The following TRIP12 variants were observed in gnomAD, a reference collection of about 807,000 sequenced individuals.
TRIP12 encodes thyroid hormone receptor interactor 12.
In TRIP12, 25 loss-of-function variants were observed where a neutral mutation model predicts 244.2. That is an observed-to-expected ratio of 0.10 (90% confidence interval 0.07 to 0.14). The LOEUF (loss-of-function observed/expected upper bound fraction) is 0.14. Ranked by LOEUF, TRIP12 falls within the 10% of genes least tolerant of loss-of-function variation. The pLI is 1.00. For synonymous variants in TRIP12, 905 were observed against 873.1 expected (o/e 1.04, Z -0.64); for missense variants, 1,677 against 2,486.4 (o/e 0.67, Z 6.92).
intron 1 of TRIP12, among the ~76,000 whole-genome samples, chr2:229,888,348 G>A (rs939075043): frequency 7.9e-5 from 12 of 152,042 alleles, no homozygotes; most frequent in African/African-American, 2.4e-4. Flanking sequence ...GAGAAACCAA[G>A]GTAATCAATA....
intron 6 of TRIP12, among the ~76,000 whole-genome samples, chr2:229,831,797 G>A (rs1376614216): frequency 6.6e-6 from 1 of 151,730 alleles, no homozygotes; most frequent in Non-Finnish European, 1.5e-5. Context: ...AATCTGAACA[G>A]GAAGTAAAAC....
chr2:229,874,625 C>T lies in TRIP12; in HGVS notation c.98+5357G>A, dbSNP rs2063272261. Among the ~76,000 whole-genome samples the T allele has an allele frequency of 2.6e-5, 4 of 151,544 alleles. No individual in the cohort carries two copies. In the South Asian group the frequency reaches 8.4e-4, roughly 32 times the overall value. ...AATACATCTAGTGATAACATCATCC[C>T]TATTATTTGTATGTTGCAAGTATAC... On this transcript the variant is annotated intron_variant, in intron 2 of 41. Coordinates refer to ENST00000675903, the MANE Select transcript of TRIP12 (RefSeq NM_001348323.3).
At chr2:229,821,982 A>G (rs1046265639) in intron 8 of TRIP12, among the ~76,000 whole-genome samples, 15 of 152,214 alleles carry the variant, frequency 9.9e-5, no homozygotes, top group African/African-American at 3.6e-4. Flanking sequence ...TCTACTAAAA[A>G]TACAAAAATT....
intron 4 of TRIP12, among the ~76,000 whole-genome samples, chr2:229,851,920 A>AG: frequency 6.6e-6 from 1 of 152,238 alleles, no homozygotes; most frequent in Non-Finnish European, 1.5e-5. Context: ...AGTGAGACCA[A>AG]GAATCCACCA....
intron 31 of TRIP12, 77 bp downstream of exon 31, chr2:229,789,534 T>C: frequency 6.5e-7 from 1 of 1,530,412 alleles, no homozygotes; most frequent in Non-Finnish European, 8.8e-7. Flanking sequence ...GCTGAATCAC[T>C]GTTTCCATTT....
chr2:229,783,401 T>C (rs1180101662), intron 34 of TRIP12, among the ~76,000 whole-genome samples: 1 of 152,202 alleles, frequency 6.6e-6, no homozygotes, highest in East Asian at 1.9e-4. Flanking sequence ...AAGCCATGGG[T>C]CTACAATAAT....
chr2:229,891,285 G>C lies in TRIP12; in HGVS notation c.-49-11157C>G, dbSNP rs553523698. On this transcript the variant is annotated intron_variant, in intron 1 of 41. Coordinates refer to ENST00000675903, the MANE Select transcript of TRIP12 (RefSeq NM_001348323.3). ...AAAAAAAAAAAATTTAGCCTGGCGT[G>C]GTGGTGGTGCACATCTGTGGCCCCA... Among the ~76,000 whole-genome samples, 3 of 152,188 alleles carry C rather than the reference G, an allele frequency of 2.0e-5. No individual in the cohort carries two copies. In the East Asian group the frequency reaches 5.8e-4, roughly 29 times the overall value.
At chr2:229,825,450 A>G (rs1231395073) in intron 8 of TRIP12, among the ~76,000 whole-genome samples, 1 of 152,246 alleles carries the variant, frequency 6.6e-6, no homozygotes, top group African/African-American at 2.4e-5. Context: ...CTATGAAGAA[A>G]TATCCAAGAC....
At chr2:229,887,054 A>G (rs1023551481) in intron 1 of TRIP12, among the ~76,000 whole-genome samples, 1 of 152,234 alleles carries the variant, frequency 6.6e-6, no homozygotes, top group Non-Finnish European at 1.5e-5. Context: ...TTGACTGAGC[A>G]AACAAGGAAA....
At chr2:229,883,029 A>C (rs2065195322) in intron 1 of TRIP12, among the ~76,000 whole-genome samples, 1 of 152,262 alleles carries the variant, frequency 6.6e-6, no homozygotes, top group Non-Finnish European at 1.5e-5. Flanking sequence ...TAATTTCCTG[A>C]AAGTAAATAA....
intron 2 of TRIP12, among the ~76,000 whole-genome samples, chr2:229,867,171 G>GGTTTT (rs1553716909): frequency 1.6e-5 from 2 of 123,536 alleles, no homozygotes; most frequent in Non-Finnish European, 3.3e-5. Context: ...TTGTTTGTTT[G>GGTTTT]TTTTTTTTTT....
chr2:229,828,816 T>A (rs1051716087), intron 8 of TRIP12, among the ~76,000 whole-genome samples: 25 of 152,116 alleles, frequency 1.6e-4, no homozygotes, highest in African/African-American at 5.6e-4. Context: ...AACATCCTTA[T>A]GTCCAAATAT....
intron 13 of TRIP12, among the ~76,000 whole-genome samples, chr2:229,811,538 A>T (rs1442871291): frequency 6.6e-6 from 1 of 152,204 alleles, no homozygotes; most frequent in African/African-American, 2.4e-5. Context: ...ACTTTCCTTT[A>T]AAACCATTAC....
At chr2:229,901,154 G>T (rs985004023) in intron 1 of TRIP12, among the ~76,000 whole-genome samples, 4 of 151,026 alleles carry the variant, frequency 2.6e-5, no homozygotes, top group East Asian at 4.1e-4. Flanking sequence ...GGCTGGTCTT[G>T]AACTCCTGAC....
At position 229,774,189 on chromosome 2, in the gene TRIP12, C is replaced by A; in HGVS notation, c.5602G>T (p.Asp1868Tyr). ...TTGGGAAACCCTGGCAGAGTGAAAT[C>A]CAGTCCTAGATCTTCAACTGAGCAG... ...NGCSVEDLGL[D>Y]FTLPGFPNIE... is the part of the protein sequence containing the mutation. The change falls in exon 38 of 42, where the codon GAT becomes TAT. Residue 1868 changes from aspartate (D) to tyrosine (Y), a missense_variant. Physicochemically the swap from Asp to Tyr is radical, Grantham distance 160. Around this residue, in one of 11 missense-constraint regions of TRIP12, gnomAD observed 171 missense variants for 388.4 expected, o/e 0.44. Transcript: ENST00000675903. 6.2e-7 allele frequency: 1 copy of A among 1,614,148 alleles called. No homozygotes were observed. Among genetic ancestry groups the A allele is most frequent in the Non-Finnish European group, 8.5e-7 (1 of 1,180,022 alleles).
intron 9 of TRIP12, among the ~76,000 whole-genome samples, chr2:229,815,681 G>T (rs2048329611): frequency 6.6e-6 from 1 of 151,080 alleles, no homozygotes; most frequent in Non-Finnish European, 1.5e-5. Context: ...AAATAAACAG[G>T]ATCAGCAATG....
chr2:229,844,196 A>G (rs1575845737), intron 4 of TRIP12, among the ~76,000 whole-genome samples: 1 of 152,194 alleles, frequency 6.6e-6, no homozygotes, highest in African/African-American at 2.4e-5. Context: ...TCCTGCTTAC[A>G]TGATTTACTT....
intron 2 of TRIP12, among the ~76,000 whole-genome samples, chr2:229,869,522 C>T (rs944475384): frequency 2.6e-5 from 4 of 152,202 alleles, no homozygotes; most frequent in African/African-American, 9.7e-5. Flanking sequence ...TCTCATCTGA[C>T]TCTAGTAACA....
intron 34 of TRIP12, among the ~76,000 whole-genome samples, chr2:229,784,634 T>C (rs553002600): frequency 2.0e-5 from 3 of 151,952 alleles, no homozygotes; most frequent in South Asian, 2.1e-4. Flanking sequence ...GCCAAAATTC[T>C]TGAATACTTC....
Sources: gnomAD v4.1 joint callset for allele counts (sites outside exome capture counted in the v4.1 genomes callset) on GRCh38, gnomAD v4.1.1 for gene constraint, gnomAD v4.1.1 regional missense constraint, MANE v1.5 for transcripts, NCBI Gene and HGNC (gene_info 2026-07-23, HGNC 2026-07-21) for gene names.